The following RBSN variants were observed in gnomAD, a reference collection of about 807,000 sequenced individuals.
RBSN encodes the protein rabenosyn, RAB effector.
A neutral mutation model predicts 60.5 loss-of-function variants in RBSN; 34 were observed. That is an observed-to-expected ratio of 0.56 (90% CI 0.43 to 0.75). The LOEUF (loss-of-function observed/expected upper bound fraction) is 0.75, where lower values mean the gene tolerates loss of function less well. RBSN is among the 30% of genes least tolerant of loss of function. RBSN has a pLI of 0.00. For synonymous variants in RBSN, 322 were observed against 366.9 expected (o/e 0.88, Z 1.40); for missense variants, 845 against 986.8 (o/e 0.86, Z 1.92).
Position 15,078,776 on chromosome 3 carries a change from AT to A in RBSN, c.912-616del, listed in dbSNP as rs1559342694. On this transcript the variant is annotated intron_variant, in intron 10 of 13. Coordinates refer to ENST00000253699, the MANE Select transcript of RBSN (RefSeq NM_022340.4). ...CTCGGTCTCAAAAAAAAAAAAAAAA[AT>A]ACATATATATATATATATATATATA... 2.8e-3 allele frequency among the ~76,000 whole-genome samples: 160 copies of A among 56,236 alleles called. 6 individuals are homozygous for A. The highest frequency in any genetic ancestry group is 7.3e-3 in the African/African-American group (102 of 13,938). The allele number at this position is 56,236 out of a possible 152,430, so 36.9% of individuals were successfully genotyped here. A position where few individuals can be genotyped will look rare whatever the true frequency, so the allele number is the denominator to read the frequency against.
chr3:15,089,070 T>C (rs185327081), intron 5 of RBSN, among the ~76,000 whole-genome samples: 10 of 152,196 alleles, frequency 6.6e-5, no homozygotes, highest in African/African-American at 2.2e-4. Flanking sequence ...AACATGAAAA[T>C]TGAATAAATC....
At position 15,080,720 on chromosome 3, in the gene RBSN, T is replaced by C; in HGVS notation, c.911+12A>G. 4 of 1,608,634 alleles carry C rather than the reference T, an allele frequency of 2.5e-6. No individual in the cohort carries two copies. Among genetic ancestry groups the C allele is most frequent in the Non-Finnish European group, 3.4e-6 (4 of 1,176,286 alleles). ...CACCACTGGATTAGAAAAACATAGA[T>C]GAATAGCTTACTTTAATGATGCTGC... On this transcript the variant is annotated intron_variant, in intron 10 of 13. Coordinates refer to ENST00000253699, the MANE Select transcript of RBSN (RefSeq NM_022340.4).
At chr3:15,086,954 T>C (rs2043358383) in intron 5 of RBSN, among the ~76,000 whole-genome samples, 1 of 152,236 alleles carries the variant, frequency 6.6e-6, no homozygotes, top group Admixed American at 6.5e-5. Context: ...ACTCAGTGCA[T>C]GTCCTCTTCC....
Position 15,084,656 on chromosome 3 carries a change from A to G in RBSN, c.598+79T>C. 3 of 1,483,908 alleles carry G rather than the reference A, an allele frequency of 2.0e-6. No individual in the cohort carries two copies. The highest frequency in any genetic ancestry group is 2.7e-6 in the Non-Finnish European group (3 of 1,107,988). 91.9% of individuals were successfully genotyped at this position (1,483,908 alleles called of 1,614,324 possible). A position where few individuals can be genotyped will look rare whatever the true frequency, so the allele number is the denominator to read the frequency against. On this transcript the variant is annotated intron_variant, in intron 8 of 13. Transcript: ENST00000253699. This position sits in a 1 kb window ranked among gnomAD's most constrained non-coding sequence, Gnocchi z 4.2. Reference sequence around the variant, plus strand: ...GCCATTAATTTAACAAAAAGGTTCCACGATCCCAGTGGTAATTAGCAAATA... The same window carrying G: ...GCCATTAATTTAACAAAAAGGTTCCGCGATCCCAGTGGTAATTAGCAAATA...
At chr3:15,094,504 T>A (rs2043600653) in intron 4 of RBSN, among the ~76,000 whole-genome samples, 1 of 152,248 alleles carries the variant, frequency 6.6e-6, no homozygotes, top group Non-Finnish European at 1.5e-5. Context: ...CTTCACTTAC[T>A]ATCTGTAAAA....
At chr3:15,095,938 G>A (rs1033789758) in intron 4 of RBSN, 35 bp downstream of exon 4, 11 of 1,613,980 alleles carry the variant, frequency 6.8e-6, no homozygotes, top group East Asian at 4.5e-5. Flanking sequence ...AGCTCTCAAC[G>A]ACAGCAGGGG....
rs1170719755 is a variant in RBSN, at chr3:15,084,903, G to A, written c.437-7C>T. The stretch of plus-strand genomic sequence containing the variant: ...ACCACAGACTTTTCTATTGCTTTGG[G>A]AAGAGCAAACCAACAAGAAAGCAGG... On this transcript the variant is annotated splice_region_variant and splice_polypyrimidine_tract_variant and intron_variant, in intron 7 of 13. Transcript: ENST00000253699. The surrounding 1 kb of genome is among the most constrained non-coding windows in gnomAD (Gnocchi z 4.2). 4 of 1,613,244 alleles carry A rather than the reference G, an allele frequency of 2.5e-6. No homozygotes were observed. In the African/African-American group the frequency reaches 4.0e-5, roughly 16 times the overall value.
intron 4 of RBSN, chr3:15,091,360 A>G: frequency 9.1e-7 from 1 of 1,102,896 alleles, no homozygotes; most frequent in Non-Finnish European, 1.1e-6. Context: ...GATTCAGCTA[A>G]ACCTCCATCC....
intron 5 of RBSN, among the ~76,000 whole-genome samples, chr3:15,088,607 C>A (rs1339528482): frequency 1.3e-5 from 2 of 152,042 alleles, no homozygotes; most frequent in Admixed American, 1.3e-4. Flanking sequence ...GTCTCAAACT[C>A]CTGACCTTGT....
chr3:15,079,508 T>C (rs1484137540), intron 10 of RBSN, among the ~76,000 whole-genome samples: 2 of 152,160 alleles, frequency 1.3e-5, no homozygotes, highest in Non-Finnish European at 2.9e-5. Context: ...TACAGAAGCA[T>C]TATTTATAAC....
Position 15,074,055 on chromosome 3 carries a change from G to T in RBSN, c.2082C>A (p.Asp694Glu), listed in dbSNP as rs61739717. The T allele has an allele frequency of 6.2e-7, 1 of 1,614,030 alleles. No homozygotes were observed. The highest frequency in any genetic ancestry group is 1.1e-5 in the South Asian group (1 of 91,080). ...TTGAGAGCCTCTGCTGGGGATGTTC[G>T]TCTTCCTCACTGAAGGGGTTAGGAG... ...SPAPNPFSEE[D>E]EHPQQRLSSP... Residue 694 changes from aspartate to glutamate, a missense_variant, in exon 14 of 14, where the codon GAC (aspartate) becomes GAA (glutamate). Coordinates refer to ENST00000253699, the MANE Select transcript of RBSN (RefSeq NM_022340.4). This position sits in a 1 kb window ranked among gnomAD's most constrained non-coding sequence, Gnocchi z 6.4.
At position 15,087,033 on chromosome 3, in the gene RBSN, T is replaced by A. The variant is rs188574971; in HGVS notation, c.290-1072A>T. 2.9e-3 allele frequency among the ~76,000 whole-genome samples: 436 copies of A among 152,326 alleles called. 1 individual carries two copies. Among genetic ancestry groups the A allele is most frequent in the African/African-American group, 0.01 (416 of 41,570 alleles). On this transcript the variant is annotated intron_variant, in intron 5 of 13. Coordinates refer to ENST00000253699, the MANE Select transcript of RBSN (RefSeq NM_022340.4). ...TGTCACATGCCATGCTTTTAAAAAA[T>A]TTTTTAATTGCCAAATAAAAATTGC...
chr3:15,094,415 A>G (rs573764049), intron 4 of RBSN, among the ~76,000 whole-genome samples: 1 of 152,356 alleles, frequency 6.6e-6, no homozygotes, highest in African/African-American at 2.4e-5. Context: ...TACAGATGAC[A>G]GAAGACCTAC....
At chr3:15,095,694 C>G in intron 4 of RBSN, 1 of 548,840 alleles carries the variant, frequency 1.8e-6, no homozygotes, top group Non-Finnish European at 3.2e-6. Context: ...ATTTACTAGA[C>G]TCAAAGTCAG....
chr3:15,089,452 T>A (rs1431335087), intron 5 of RBSN, among the ~76,000 whole-genome samples: 4 of 58,930 alleles, frequency 6.8e-5, no homozygotes, highest in African/African-American at 6.2e-5. Context: ...TGAGACTCCA[T>A]CTCCAAAAAA....
At chr3:15,097,512 T>C (rs771156354) in intron 2 of RBSN, among the ~76,000 whole-genome samples, 7 of 151,768 alleles carry the variant, frequency 4.6e-5, no homozygotes, top group Admixed American at 4.6e-4. Flanking sequence ...CGAAACTCCA[T>C]CTCAAAAAAG....
intron 8 of RBSN, among the ~76,000 whole-genome samples, chr3:15,083,524 C>A (rs564630235): frequency 9.9e-5 from 15 of 152,076 alleles, no homozygotes; most frequent in African/African-American, 2.9e-4. Context: ...CTCCACACAC[C>A]CCCAACTATT....
chr3:15,073,657 CCCCT>C lies in RBSN; in HGVS notation c.*121_*124del. 1.0e-6 allele frequency: 1 copy of C among 998,120 alleles called. No individual in the cohort carries two copies. Among genetic ancestry groups the C allele is most frequent in the East Asian group, 2.5e-5 (1 of 40,096 alleles). 61.8% of individuals were successfully genotyped at this position (998,120 alleles called of 1,614,324 possible). ...CGCAACACAAAACAGCAGATTCCTG[CCCCT>C]CACCTGTGTGCATCTGAGTTCTCAC... On this transcript the variant is annotated 3_prime_UTR_variant, in exon 14 of 14. Coordinates refer to ENST00000253699, the MANE Select transcript of RBSN (RefSeq NM_022340.4).
intron 5 of RBSN, among the ~76,000 whole-genome samples, chr3:15,087,377 T>TG (rs2043372491): frequency 6.6e-6 from 1 of 152,030 alleles, no homozygotes; most frequent in Admixed American, 6.6e-5. Flanking sequence ...TAGCTGGGCA[T>TG]GGTGGTGCAC....
Sources: allele counts gnomAD v4.1 joint callset (sites outside exome capture counted in the v4.1 genomes callset), GRCh38; gene constraint gnomAD v4.1.1; non-coding constraint Gnocchi (gnomAD v3.1); transcripts MANE v1.5; gene names NCBI Gene and HGNC (gene_info 2026-07-23, HGNC 2026-07-21).